PRKCH: variants seen among roughly 807,000 people sequenced by gnomAD.
PRKCH encodes protein kinase C eta.
Under a neutral mutation model 82.5 loss-of-function variants are expected in PRKCH, and 28 were observed. The observed-to-expected ratio is 0.34, with a 90% CI of 0.25 to 0.47. The LOEUF is 0.47. Ranked by LOEUF, PRKCH falls within the 20% of genes least tolerant of loss-of-function variation. The probability of loss-of-function intolerance (pLI) is 1.00; values close to 1 mark genes in which losing one functional copy is unlikely to be tolerated. For missense variants in PRKCH, 705 were observed against 881.8 expected, an observed-to-expected ratio of 0.80 and a Z score of 2.54; for synonymous variants, 322 against 327.4, an observed-to-expected ratio of 0.98 and a Z score of 0.18.
At chr14:61,296,687 C>A (rs1457935846) in intron 1 of PRKCH, among the ~76,000 whole-genome samples, 1 of 152,188 alleles carries the variant, frequency 6.6e-6, no homozygotes, top group East Asian at 1.9e-4. Context: ...ATCCTTTTAT[C>A]TATCCCCCTA....
intron 12 of PRKCH, among the ~76,000 whole-genome samples, chr14:61,541,458 G>A (rs556556997): frequency 5.2e-4 from 79 of 152,290 alleles, no homozygotes; most frequent in African/African-American, 1.6e-3. Flanking sequence ...TAGGATCATC[G>A]CTCTGGAATA....
intron 1 of PRKCH, among the ~76,000 whole-genome samples, chr14:61,356,241 G>T (rs1230364855): frequency 1.3e-5 from 2 of 152,152 alleles, no homozygotes; most frequent in East Asian, 3.8e-4. Flanking sequence ...GGGTTGGGAG[G>T]AATTGGAATC....
chr14:61,387,968 C>T (rs2046613606), intron 1 of PRKCH, among the ~76,000 whole-genome samples: 1 of 151,910 alleles, frequency 6.6e-6, no homozygotes, highest in Admixed American at 6.6e-5. Flanking sequence ...GCCAACATGG[C>T]GAAACCCCAT....
chr14:61,435,785 G>A (rs1046735199), intron 2 of PRKCH, among the ~76,000 whole-genome samples: 1 of 152,136 alleles, frequency 6.6e-6, no homozygotes. Flanking sequence ...CAGTGTACAG[G>A]CAGTTGATGA....
chr14:61,472,208 C>A (rs1885537665), intron 9 of PRKCH, among the ~76,000 whole-genome samples: 1 of 152,178 alleles, frequency 6.6e-6, no homozygotes, highest in African/African-American at 2.4e-5. Context: ...TGGGGGCATC[C>A]AGGGAGCAAA....
intron 1 of PRKCH, among the ~76,000 whole-genome samples, chr14:61,333,552 A>T (rs2045816360): frequency 6.6e-6 from 1 of 152,178 alleles, no homozygotes; most frequent in Non-Finnish European, 1.5e-5. Context: ...AGAGAAAAAG[A>T]TGTTCTTAAA....
At chr14:61,372,654 AT>A (rs1409738174) in intron 1 of PRKCH, among the ~76,000 whole-genome samples, 1 of 152,042 alleles carries the variant, frequency 6.6e-6, no homozygotes, top group African/African-American at 2.4e-5. Context: ...GTCCATACTC[AT>A]TTCTGAAGGT....
chr14:61,444,813 G>A (rs761595851), intron 3 of PRKCH, among the ~76,000 whole-genome samples: 4 of 152,070 alleles, frequency 2.6e-5, no homozygotes, highest in East Asian at 1.9e-4. Flanking sequence ...CTTTCATATA[G>A]TACTTAAAGG....
At chr14:61,324,923 C>T (rs2045674595) in intron 1 of PRKCH, among the ~76,000 whole-genome samples, 1 of 152,006 alleles carries the variant, frequency 6.6e-6, no homozygotes, top group Non-Finnish European at 1.5e-5. Context: ...TAAAAAAAAA[C>T]TATTGAAGTT....
chr14:61,301,413 T>G (rs1450051722), intron 1 of PRKCH, among the ~76,000 whole-genome samples: 2 of 152,260 alleles, frequency 1.3e-5, no homozygotes, highest in Non-Finnish European at 2.9e-5. Flanking sequence ...ATATCGTACC[T>G]AAGATATCTC....
At chr14:61,304,220 C>G (rs199990142) in intron 1 of PRKCH, 1 of 150,732 alleles carries the variant, frequency 6.6e-6, no homozygotes, top group South Asian at 2.1e-4. Flanking sequence ...CACACACAAA[C>G]AAAACCCTCT....
At chr14:61,287,084 T>C (rs2045321792) in intron 1 of PRKCH, among the ~76,000 whole-genome samples, 2 of 150,464 alleles carry the variant, frequency 1.3e-5, no homozygotes, top group African/African-American at 4.9e-5. Flanking sequence ...CATGCACCTG[T>C]GATCCCAGCT....
chr14:61,499,284 T>G (rs1452734535), intron 10 of PRKCH, among the ~76,000 whole-genome samples: 1 of 152,212 alleles, frequency 6.6e-6, no homozygotes, highest in African/African-American at 2.4e-5. Context: ...TCTGTAAACT[T>G]TGTAAGTAGA....
At chr14:61,524,054 G>A (rs2042936770) in intron 10 of PRKCH, among the ~76,000 whole-genome samples, 2 of 152,194 alleles carry the variant, frequency 1.3e-5, no homozygotes, top group African/African-American at 4.8e-5. Context: ...GTTAAAAATA[G>A]TTCATATAAA....
intron 1 of PRKCH, among the ~76,000 whole-genome samples, chr14:61,364,728 A>G (rs1398921188): frequency 6.6e-6 from 1 of 152,010 alleles, no homozygotes; most frequent in Non-Finnish European, 1.5e-5. Flanking sequence ...AGTCCCAGGT[A>G]CTAGGGAGGC....
intron 1 of PRKCH, among the ~76,000 whole-genome samples, chr14:61,236,819 G>A (rs1203793746): frequency 6.6e-6 from 1 of 151,108 alleles, no homozygotes; most frequent in Non-Finnish European, 1.5e-5. Flanking sequence ...ACACCCATCA[G>A]CACCACGACA....
At position 61,210,135 on chromosome 14, in the gene PRKCH, T is replaced by C. The variant is rs1330175180; in HGVS notation, c.-19+22467T>C. 2.1e-3 allele frequency among the ~76,000 whole-genome samples: 85 copies of C among 40,490 alleles called. 3 individuals are homozygous for C. In the South Asian group the frequency reaches 0.07, roughly 34 times the overall value. The allele number at this position is 40,490 out of a possible 152,430, so 26.6% of individuals were successfully genotyped here. A position where few individuals can be genotyped will look rare whatever the true frequency, so the allele number is the denominator to read the frequency against. The stretch of plus-strand genomic sequence containing the variant: ...AAATATATATATATATATATATATA[T>C]ATATATATATATATATATATATATA... On this transcript the variant is annotated intron_variant, in intron 1 of 3. Transcript: ENST00000555185.
chr14:61,234,318 A>AG (rs900684322), intron 1 of PRKCH, among the ~76,000 whole-genome samples: 8 of 152,216 alleles, frequency 5.3e-5, no homozygotes, highest in African/African-American at 9.6e-5. Flanking sequence ...GCATTAGGTA[A>AG]GGGGGGGAAA....
chr14:61,484,403 A>G (rs1312864797), intron 9 of PRKCH, among the ~76,000 whole-genome samples: 1 of 148,076 alleles, frequency 6.8e-6, no homozygotes, highest in East Asian at 2.0e-4. Flanking sequence ...ACTCAGCACC[A>G]GCTAATCAGG....
Sources: allele counts gnomAD v4.1 joint callset (sites outside exome capture counted in the v4.1 genomes callset), GRCh38; gene constraint gnomAD v4.1.1; transcripts MANE v1.5; gene names NCBI Gene and HGNC (gene_info 2026-07-23, HGNC 2026-07-21).